The following GRIK1 variants were observed in gnomAD, a reference collection of about 807,000 sequenced individuals.
GRIK1 encodes glutamate receptor ionotropic, kainate 1.
GRIK1 carries 69 observed loss-of-function variants against 105.7 expected under a neutral mutation model. The observed-to-expected ratio is 0.65, with a 90% CI of 0.54 to 0.80. The LOEUF is 0.80. GRIK1 is among the 30% of genes least tolerant of loss of function. The probability of loss-of-function intolerance (pLI) is 0.00; values close to 1 mark genes in which losing one functional copy is unlikely to be tolerated. For missense variants in GRIK1, 1,109 were observed against 1,167.3 expected (o/e 0.95, Z 0.73); for synonymous variants, 438 against 431.3 (o/e 1.02, Z -0.19).
intron 1 of GRIK1, among the ~76,000 whole-genome samples, chr21:29,855,751 C>CA (rs2068443528): frequency 6.6e-6 from 1 of 151,904 alleles, no homozygotes; most frequent in Non-Finnish European, 1.5e-5. Flanking sequence ...GTTATGAAAC[C>CA]AAATAAACAA....
intron 1 of GRIK1, among the ~76,000 whole-genome samples, chr21:29,703,831 C>A (rs535505094): frequency 6.6e-6 from 1 of 152,144 alleles, no homozygotes; most frequent in Non-Finnish European, 1.5e-5. Context: ...TATTAGTATC[C>A]TTTAGAGGGG....
intron 4 of GRIK1, among the ~76,000 whole-genome samples, chr21:29,670,482 A>C (rs1030041216): frequency 6.6e-6 from 1 of 152,238 alleles, no homozygotes; most frequent in Non-Finnish European, 1.5e-5. Flanking sequence ...AGGAACTTCA[A>C]GTCCAAATTT....
At chr21:29,649,044 G>A (rs1410643424) in intron 6 of GRIK1, among the ~76,000 whole-genome samples, 2 of 152,166 alleles carry the variant, frequency 1.3e-5, no homozygotes, top group African/African-American at 4.8e-5. Context: ...TCTTGGCTTA[G>A]CTATTGATCA....
At chr21:29,708,518 T>C (rs1486077244) in intron 1 of GRIK1, among the ~76,000 whole-genome samples, 1 of 152,236 alleles carries the variant, frequency 6.6e-6, no homozygotes, top group East Asian at 1.9e-4. Flanking sequence ...TCCGGTTCTT[T>C]CCCTTCGGAA....
At chr21:29,555,489 A>G (rs1391162499) in intron 15 of GRIK1, among the ~76,000 whole-genome samples, 187 bp from the exon 16 acceptor site, 1 of 152,178 alleles carries the variant, frequency 6.6e-6, no homozygotes, top group Non-Finnish European at 1.5e-5. Context: ...TGGAAAGAAG[A>G]TAGCTGACAT....
chr21:29,773,943 C>A (rs376821960), intron 1 of GRIK1, among the ~76,000 whole-genome samples: 1 of 152,202 alleles, frequency 6.6e-6, no homozygotes, highest in Non-Finnish European at 1.5e-5. Context: ...AAAGTGTTTA[C>A]TCATTCACTC....
At chr21:29,614,482 C>G (rs1210756874) in intron 7 of GRIK1, among the ~76,000 whole-genome samples, 1 of 138,576 alleles carries the variant, frequency 7.2e-6, no homozygotes, top group African/African-American at 2.7e-5. Context: ...GGCACCATCT[C>G]AGCTCACCGC....
chr21:29,573,313 C>G (rs2090800887), intron 14 of GRIK1, among the ~76,000 whole-genome samples: 1 of 152,144 alleles, frequency 6.6e-6, no homozygotes, highest in African/African-American at 2.4e-5. Flanking sequence ...CAGTTGTGAA[C>G]ATAGCATGTA....
intron 1 of GRIK1, among the ~76,000 whole-genome samples, chr21:29,893,114 T>C (rs972734609): frequency 6.6e-6 from 1 of 152,224 alleles, no homozygotes; most frequent in Non-Finnish European, 1.5e-5. Context: ...AATTTAAAGA[T>C]TATCTTGTCT....
At chr21:29,661,843 A>C in intron 4 of GRIK1, among the ~76,000 whole-genome samples, 1 of 152,218 alleles carries the variant, frequency 6.6e-6, no homozygotes, top group East Asian at 1.9e-4. Flanking sequence ...TGAGGTTGAC[A>C]ACTTGCTAAG....
Position 29,555,151 on chromosome 21 carries a change from T to C in GRIK1, c.2508A>G (p.Gly836=), listed in dbSNP as rs200426229. The change falls in exon 16 of 18, where the codon GGA becomes GGG. Residue 836 remains glycine (G), a synonymous_variant. Coordinates refer to ENST00000327783, the MANE Select transcript of GRIK1 (RefSeq NM_001330994.2). ...EASALGVENI[G]GIFIVLAAGL... is the part of the protein sequence containing the mutation. ...CGGCAGCCAGAACAATGAAGATGCC[T>C]CCAATATTTTCCACTCCCAGGGCAC... 184 of 1,613,828 alleles carry C rather than the reference T, an allele frequency of 1.1e-4. No individual in the cohort carries two copies. Among genetic ancestry groups the C allele is most frequent in the Non-Finnish European group, 1.5e-4 (177 of 1,179,848 alleles).
intron 1 of GRIK1, among the ~76,000 whole-genome samples, chr21:29,835,791 A>AT (rs917624318): frequency 2.0e-4 from 31 of 151,908 alleles, no homozygotes; most frequent in African/African-American, 4.8e-4. Flanking sequence ...TATTTCCTCT[A>AT]TTTTTTTTAA....
chr21:29,662,301 AAGTTTTCCCATGGCAGAATGAAAT>A (rs1206831260), intron 4 of GRIK1, among the ~76,000 whole-genome samples: 3 of 152,228 alleles, frequency 2.0e-5, no homozygotes, highest in African/African-American at 7.2e-5. Context: ...GCAGGAAAAG[AAGTTTTCCCATGGCAGAATGAAAT>A]AGGCAATCTG....
chr21:29,623,408 T>G (rs996626009), intron 7 of GRIK1, among the ~76,000 whole-genome samples: 3 of 151,680 alleles, frequency 2.0e-5, no homozygotes, highest in Non-Finnish European at 4.4e-5. Context: ...CAGTTAGTTA[T>G]GACCCAAACC....
intron 1 of GRIK1, among the ~76,000 whole-genome samples, chr21:29,843,204 A>C (rs953353312): frequency 2.0e-5 from 3 of 152,196 alleles, no homozygotes; most frequent in African/African-American, 7.2e-5. Flanking sequence ...ATGGTTGCTA[A>C]TGCCCTCCAG....
At chr21:29,797,803 T>A (rs1261523959) in intron 1 of GRIK1, among the ~76,000 whole-genome samples, 3 of 152,158 alleles carry the variant, frequency 2.0e-5, no homozygotes, top group Non-Finnish European at 4.4e-5. Context: ...AGATTTCTTT[T>A]ATCAAAAAAG....
intron 3 of GRIK1, among the ~76,000 whole-genome samples, chr21:29,681,189 G>A (rs528266225): frequency 2.0e-5 from 3 of 152,270 alleles, no homozygotes; most frequent in African/African-American, 4.8e-5. Context: ...AGTACTATCC[G>A]TGGTTTCAGG....
chr21:29,646,594 C>T (rs191129624), intron 6 of GRIK1, among the ~76,000 whole-genome samples: 14 of 152,244 alleles, frequency 9.2e-5, no homozygotes, highest in East Asian at 3.9e-4. Flanking sequence ...CAAGGACTGA[C>T]GACACTATAT....
intron 1 of GRIK1, among the ~76,000 whole-genome samples, chr21:29,782,955 A>G (rs2066164406): frequency 6.6e-6 from 1 of 152,122 alleles, no homozygotes; most frequent in Non-Finnish European, 1.5e-5. Context: ...TAGGTGTGAA[A>G]TTGTTCCAGC....
Sources: allele counts gnomAD v4.1 joint callset (sites outside exome capture counted in the v4.1 genomes callset), GRCh38; gene constraint gnomAD v4.1.1; transcripts MANE v1.5; gene names NCBI Gene and HGNC (gene_info 2026-07-23, HGNC 2026-07-21).